Variants in EFHD1 observed in about 807,000 individuals in gnomAD.
The protein encoded by EFHD1 is EF-hand domain family member D1, also known as EF-hand domain-containing protein D1.
EFHD1 carries 10 observed loss-of-function variants against 17.2 expected under a neutral mutation model. The ratio of observed to expected loss-of-function variants is 0.58; its 90% CI spans 0.36 to 0.99. The LOEUF (loss-of-function observed/expected upper bound fraction) is 0.99. Among genes scored for constraint, EFHD1 ranks in the 50% least tolerant of loss-of-function variants. The pLI, the probability that EFHD1 is intolerant of heterozygous loss-of-function variation, is 0.01. For synonymous variants in EFHD1, 153 were observed against 142.0 expected, an observed-to-expected ratio of 1.08 and a Z score of -0.55; for missense variants, 310 against 327.5, an observed-to-expected ratio of 0.95 and a Z score of 0.41.
At chr2:232,678,883 G>A (rs1343284676) in intron 3 of EFHD1, among the ~76,000 whole-genome samples, 1 of 152,178 alleles carries the variant, frequency 6.6e-6, no homozygotes, top group Admixed American at 6.5e-5. Context: ...AATAAAAGGT[G>A]TTGAGACAAT....
intron 1 of EFHD1, among the ~76,000 whole-genome samples, chr2:232,646,436 CTTTTTTTTTTTTTTTT>C (rs71398729): frequency 1.5e-5 from 1 of 67,138 alleles, no homozygotes; most frequent in Admixed American, 2.0e-4. Context: ...CTCTTCTCTT[CTTTTTTTTTTTTTTTT>C]TTTTTTTTTT....
intron 1 of EFHD1, among the ~76,000 whole-genome samples, chr2:232,643,083 A>C (rs1244924246): frequency 2.6e-5 from 4 of 152,184 alleles, no homozygotes; most frequent in Non-Finnish European, 2.9e-5. Context: ...TCAAGGTGGC[A>C]AGGTGTGAGT....
At chr2:232,628,061 ACATTT>A (rs1174859537) in intron 1 of EFHD1, among the ~76,000 whole-genome samples, 1 of 152,084 alleles carries the variant, frequency 6.6e-6, no homozygotes, top group African/African-American at 2.4e-5. Context: ...TTATTTATTT[ACATTT>A]ATTTATTTAT....
At chr2:232,623,052 T>C (rs1694047733) in intron 1 of EFHD1, among the ~76,000 whole-genome samples, 1 of 152,186 alleles carries the variant, frequency 6.6e-6, no homozygotes, top group Admixed American at 6.5e-5. Context: ...TTTTCTTTTC[T>C]TTTCTTTTTT....
chr2:232,650,295 T>G (rs946202030), intron 1 of EFHD1, among the ~76,000 whole-genome samples: 1 of 149,968 alleles, frequency 6.7e-6, no homozygotes, highest in Non-Finnish European at 1.5e-5. Flanking sequence ...GGTTGCCTTT[T>G]TTTTTTTTTT....
At chr2:232,652,694 G>A (rs555240312) in intron 1 of EFHD1, among the ~76,000 whole-genome samples, 2 of 152,178 alleles carry the variant, frequency 1.3e-5, no homozygotes, top group East Asian at 1.9e-4. Context: ...CTGCAAAGCC[G>A]ACCAGTTTTA....
chr2:232,646,351 G>A (rs1201975575), intron 1 of EFHD1, among the ~76,000 whole-genome samples: 1 of 149,492 alleles, frequency 6.7e-6, no homozygotes, highest in Non-Finnish European at 1.5e-5. Context: ...CCTCTCTCCT[G>A]TAACCCTGCA....
intron 1 of EFHD1, among the ~76,000 whole-genome samples, chr2:232,607,446 A>AAAGT (rs35808431): frequency 0.46 from 68,827 of 148,358 alleles, 17,076 homozygotes; most frequent in African/African-American, 0.62. Flanking sequence ...AAAAAAAAAA[A>AAAGT]AGCCTGGCGT....
At chr2:232,613,765 CATACACACACAAAT>C (rs1194382863) in intron 1 of EFHD1, among the ~76,000 whole-genome samples, 3 of 150,976 alleles carry the variant, frequency 2.0e-5, no homozygotes, top group Non-Finnish European at 4.4e-5. Context: ...TACGCACACA[CATACACACACAAAT>C]ATACACACAC....
chr2:232,670,438 C>A (rs1343972965), intron 2 of EFHD1, among the ~76,000 whole-genome samples: 1 of 146,248 alleles, frequency 6.8e-6, no homozygotes, highest in Non-Finnish European at 1.5e-5. Flanking sequence ...AAGACTGCAT[C>A]TCAAAAAAAA....
chr2:232,615,974 A>G (rs1574700061), intron 1 of EFHD1, among the ~76,000 whole-genome samples: 1 of 152,198 alleles, frequency 6.6e-6, no homozygotes, highest in South Asian at 2.1e-4. Flanking sequence ...GGCGTGAGCC[A>G]CGGAGCCCAG....
chr2:232,624,069 A>C (rs923240679), intron 1 of EFHD1, among the ~76,000 whole-genome samples: 1 of 152,198 alleles, frequency 6.6e-6, no homozygotes, highest in Non-Finnish European at 1.5e-5. Context: ...AGCCATGCCC[A>C]GGGCTGTGGG....
chr2:232,635,125 G>A (rs1553597709), intron 1 of EFHD1, among the ~76,000 whole-genome samples: 1 of 152,188 alleles, frequency 6.6e-6, no homozygotes. Flanking sequence ...GATCTGTGGC[G>A]TTTTCTGGGT....
chr2:232,622,825 A>C (rs914232063), intron 1 of EFHD1, among the ~76,000 whole-genome samples: 2 of 152,192 alleles, frequency 1.3e-5, no homozygotes, highest in African/African-American at 4.8e-5. Context: ...TGAGATGAGC[A>C]GCAAGTGTAA....
chr2:232,673,950 C>T (rs1695125962), intron 3 of EFHD1, among the ~76,000 whole-genome samples: 1 of 149,496 alleles, frequency 6.7e-6, no homozygotes, highest in African/African-American at 2.5e-5. Context: ...ACTCTGTCTC[C>T]CAGGCTGCAG....
chr2:232,643,793 C>CA (rs1559346036), intron 1 of EFHD1, among the ~76,000 whole-genome samples: 1 of 152,190 alleles, frequency 6.6e-6, no homozygotes, highest in Non-Finnish European at 1.5e-5. Flanking sequence ...AAGTGACCCC[C>CA]CTGCCTCAGC....
At chr2:232,674,874 G>A (rs975977818) in intron 3 of EFHD1, among the ~76,000 whole-genome samples, 4 of 152,106 alleles carry the variant, frequency 2.6e-5, no homozygotes, top group Admixed American at 2.6e-4. Context: ...GGTGAGACGT[G>A]TTTGGAGGCT....
At chr2:232,627,035 T>TCC (rs1694114058) in intron 1 of EFHD1, among the ~76,000 whole-genome samples, 2 of 61,676 alleles carry the variant, frequency 3.2e-5, no homozygotes, top group Admixed American at 1.8e-4. Flanking sequence ...TCTCTCTCTC[T>TCC]CTATATATAT....
intron 1 of EFHD1, among the ~76,000 whole-genome samples, chr2:232,660,346 C>T (rs545861972): frequency 1.1e-4 from 17 of 151,976 alleles, no homozygotes; most frequent in African/African-American, 1.7e-4. Flanking sequence ...AGGTGCCTGC[C>T]ACCACGCCCG....
Sources: allele counts gnomAD v4.1 joint callset (sites outside exome capture counted in the v4.1 genomes callset), GRCh38; gene constraint gnomAD v4.1.1; transcripts MANE v1.5; gene names NCBI Gene and HGNC (gene_info 2026-07-23, HGNC 2026-07-21).